The following NUP85 variants were observed in gnomAD, a reference collection of about 807,000 sequenced individuals.
NUP85 encodes nucleoporin 85.
NUP85 carries 23 observed loss-of-function variants against 92.8 expected under a neutral mutation model. The ratio of observed to expected loss-of-function variants is 0.25; its 90% confidence interval spans 0.18 to 0.35. The LOEUF (loss-of-function observed/expected upper bound fraction) is 0.35. Ranked by LOEUF, NUP85 falls within the 10% of genes least tolerant of loss-of-function variation. NUP85 has a pLI of 1.00. For missense variants in NUP85, 759 were observed against 822.8 expected, an observed-to-expected ratio of 0.92 and a Z score of 0.95; for synonymous variants, 314 against 306.9, an observed-to-expected ratio of 1.02 and a Z score of -0.24.
chr17:75,211,716 C>T (rs865856542), intron 3 of NUP85, among the ~76,000 whole-genome samples: 1 of 152,072 alleles, frequency 6.6e-6, no homozygotes, highest in South Asian at 2.1e-4. Flanking sequence ...ATTTATGTAT[C>T]TTTTTTATTT....
chr17:75,210,229 T>G (rs1194669386), intron 3 of NUP85, among the ~76,000 whole-genome samples: 1 of 152,194 alleles, frequency 6.6e-6, no homozygotes, highest in African/African-American at 2.4e-5. Flanking sequence ...TTACTTAGCC[T>G]CTAAAGAAGA....
chr17:75,232,266 G>A (rs1029959752), intron 14 of NUP85: 11 of 428,012 alleles, frequency 2.6e-5, no homozygotes, highest in Middle Eastern at 6.8e-4. Context: ...TGGGGTTGGC[G>A]CTGTTTCCCT....
chr17:75,234,304 G>A (rs916350178), intron 16 of NUP85, among the ~76,000 whole-genome samples: 2 of 152,000 alleles, frequency 1.3e-5, no homozygotes, highest in Non-Finnish European at 2.9e-5. Context: ...CACCTGACTC[G>A]GCCTCCCAAA....
chr17:75,228,062 G>T, intron 11 of NUP85: 1 of 315,142 alleles, frequency 3.2e-6, no homozygotes, highest in Non-Finnish European at 4.6e-6. Context: ...TGGCTTTGTT[G>T]GTGTCTCTGC....
At chr17:75,228,674 G>T in intron 11 of NUP85, 1 of 985,358 alleles carries the variant, frequency 1.0e-6, no homozygotes, top group African/African-American at 1.7e-5. Flanking sequence ...GTGAGCTGTT[G>T]GCATGCCTTT....
In NUP85 at chr17:75,231,805, C is replaced by CTGT; in HGVS notation, c.1245-22_1245-20dup. On this transcript the variant is annotated intron_variant, in intron 13 of 18. Coordinates refer to ENST00000245544, the MANE Select transcript of NUP85 (RefSeq NM_024844.5). The surrounding 1 kb of genome is among the most constrained non-coding windows in gnomAD (Gnocchi z 4.6). Reference sequence around the variant, plus strand: ...GGAGCCATGAGGCAGCACCTCATGTCTGTCCTCCTCGAACCTTTGCAGCCT... The same window carrying CTGT: ...GGAGCCATGAGGCAGCACCTCATGTCTGTTGTCCTCCTCGAACCTTTGCAGCCT... 1 of 1,613,684 alleles carries CTGT rather than the reference C, an allele frequency of 6.2e-7. No homozygotes were observed. Among genetic ancestry groups the CTGT allele is most frequent in the South Asian group, 1.1e-5 (1 of 90,974 alleles).
rs1051190188 is a variant in NUP85 at position 75,217,504 on chromosome 17, A to ATGTTT, written c.476-664_476-660dup. On this transcript the variant is annotated intron_variant, in intron 6 of 18. Transcript: ENST00000245544. ...GACATGAACTACCATGCCCGGCCAT[A>ATGTTT]TGTTTTGTTTTGTTTTGTTTTTTGA... Among the ~76,000 whole-genome samples, 12 of 151,132 alleles carry ATGTTT rather than the reference A, an allele frequency of 7.9e-5. No homozygotes were observed. The East Asian group carries it at 1.4e-3, about 17-fold the overall frequency.
Position 75,233,141 on chromosome 17 carries a change from ACCGACTGACAT to A in NUP85, c.1599_1609del (p.Arg534ProfsTer62). The A allele has an allele frequency of 6.2e-7, 1 of 1,614,006 alleles. No homozygotes were observed. The highest frequency in any genetic ancestry group is 8.5e-7 in the Non-Finnish European group (1 of 1,179,948). On this transcript the variant is annotated frameshift_variant, in exon 16 of 19. Coordinates refer to ENST00000245544, the MANE Select transcript of NUP85 (RefSeq NM_024844.5). LOFTEE classifies it high-confidence loss of function. ...CTGGGGCCAGCCATGATGCTCAGTG[ACCGACTGACAT>A]TCCTGGGTGAGTCTCTGGGTTTTGT... is the stretch of plus-strand genomic sequence containing the variant.
intron 7 of NUP85, among the ~76,000 whole-genome samples, chr17:75,223,058 A>G (rs759913891): frequency 2.0e-5 from 3 of 148,324 alleles, no homozygotes; most frequent in Non-Finnish European, 3.0e-5. Flanking sequence ...AAAAAAACTC[A>G]GGGCCAACAG....
At chr17:75,232,029 G>A in intron 14 of NUP85, 50 bp downstream of exon 14, 1 of 1,597,006 alleles carries the variant, frequency 6.3e-7, no homozygotes. Flanking sequence ...CAGGAGTCAG[G>A]GGATCCTGAG....
chr17:75,226,253 T>A, intron 11 of NUP85, 96 bp downstream of exon 11: 1 of 895,314 alleles, frequency 1.1e-6, no homozygotes, highest in Non-Finnish European at 1.8e-6. Flanking sequence ...CTTACCCTTC[T>A]TCCCTCAGAC....
chr17:75,208,493 T>C, intron 1 of NUP85, 34 bp from the exon 2 acceptor site: 1 of 1,184,792 alleles, frequency 8.4e-7, no homozygotes, highest in Non-Finnish European at 1.2e-6. Context: ...GAAGAACATT[T>C]TTCATTTTAG....
intron 14 of NUP85, among the ~76,000 whole-genome samples, chr17:75,232,382 C>T (rs2076098745): frequency 6.6e-6 from 1 of 152,146 alleles, no homozygotes; most frequent in Admixed American, 6.5e-5. Flanking sequence ...ACCAAGTCTG[C>T]CCCTTCATTT....
chr17:75,226,939 C>A (rs917022243), intron 11 of NUP85: 3 of 278,102 alleles, frequency 1.1e-5, no homozygotes, highest in Non-Finnish European at 1.5e-5. Context: ...AGCCCTCTAT[C>A]CAAAAGAGGG....
At chr17:75,225,018 A>C in intron 7 of NUP85, 85 bp from the exon 8 acceptor site, 2 of 1,420,934 alleles carry the variant, frequency 1.4e-6, no homozygotes, top group Non-Finnish European at 1.9e-6. Flanking sequence ...AAAAAGCCAA[A>C]GTGTGGGGTG....
At chr17:75,225,650 G>C in intron 9 of NUP85, 48 bp from the exon 10 acceptor site, 1 of 1,608,796 alleles carries the variant, frequency 6.2e-7, no homozygotes, top group Non-Finnish European at 8.5e-7. Context: ...TTATGGAGAA[G>C]GTACCCCTGA....
chr17:75,224,783 G>T (rs890074819), intron 7 of NUP85, among the ~76,000 whole-genome samples: 6 of 146,538 alleles, frequency 4.1e-5, no homozygotes, highest in Admixed American at 1.4e-4. Context: ...AGTGAGCCGA[G>T]ATTATGCCAT....
rs1281711081 is a variant in NUP85, at chr17:75,235,700, C to A, written c.*21C>A. 3 of 1,496,996 alleles carry A rather than the reference C, an allele frequency of 2.0e-6. No individual in the cohort carries two copies. The highest frequency in any genetic ancestry group is 2.8e-6 in the Non-Finnish European group (3 of 1,078,604). The allele number at this position is 1,496,996 out of a possible 1,614,324, so 92.7% of individuals were successfully genotyped here. On this transcript the variant is annotated 3_prime_UTR_variant, in exon 19 of 19. Transcript: ENST00000245544. ...CCTGAGAACTGCTTCAATGTGGTAT[C>A]TTTGTATGGCAATGTATATAGATTT...
chr17:75,207,297 C>T (rs1018011527), intron 1 of NUP85, among the ~76,000 whole-genome samples: 32 of 152,128 alleles, frequency 2.1e-4, no homozygotes, highest in Admixed American at 5.2e-4. Context: ...AATTCTCCTG[C>T]CTCAGCCTCC....
Sources: gnomAD v4.1 joint callset for allele counts (sites outside exome capture counted in the v4.1 genomes callset) on GRCh38, gnomAD v4.1.1 for gene constraint, Gnocchi (gnomAD v3.1) non-coding constraint, MANE v1.5 for transcripts, NCBI Gene and HGNC (gene_info 2026-07-23, HGNC 2026-07-21) for gene names.